C14orf132: variants seen among roughly 807,000 people sequenced by gnomAD.
C14orf132 encodes chromosome 14 open reading frame 132.
C14orf132 carries 6 observed loss-of-function variants against 5.8 expected under a neutral mutation model. The observed-to-expected ratio is 1.03, with a 90% confidence interval of 0.57 to 2.04. C14orf132 has a LOEUF of 2.04. C14orf132 is among the 30% of genes most tolerant of loss of function. C14orf132 has a pLI of 0.00. For synonymous variants in C14orf132, 51 were observed against 49.8 expected (o/e 1.02, Z -0.10); for missense variants, 125 against 115.8 (o/e 1.08, Z -0.37).
intron 1 of C14orf132, chr14:96,051,108 C>T (rs1595170399): frequency 2.3e-5 from 9 of 398,508 alleles, no homozygotes; most frequent in African/African-American, 4.1e-5. Context: ...GAGTAACATA[C>T]ATACATACTC....
intron 1 of C14orf132, among the ~76,000 whole-genome samples, chr14:96,072,152 C>T (rs747832778): frequency 2.4e-4 from 37 of 152,336 alleles, no homozygotes; most frequent in Non-Finnish European, 4.7e-4. Flanking sequence ...AGAATCCTTC[C>T]GAGCACTTCC....
At position 96,091,342 on chromosome 14, in the gene C14orf132, C is replaced by T. The variant is rs376229887; in HGVS notation, c.*4607C>T. 1.5e-4 allele frequency: 46 copies of T among 304,364 alleles called. No individual in the cohort carries two copies. The highest frequency in any genetic ancestry group is 9.1e-4 in the African/African-American group (42 of 46,020). The allele number at this position is 304,364 out of a possible 1,614,324, so 18.9% of individuals were successfully genotyped here. A position where few individuals can be genotyped will look rare whatever the true frequency, so the allele number is the denominator to read the frequency against. On this transcript the variant is annotated 3_prime_UTR_variant, in exon 2 of 2. Transcript: ENST00000555004. ...CACAGGGATTTATCAGTTCCAGAAC[C>T]TCACAGTGATAAGAGGCTTTAGAGA...
chr14:96,061,448 A>C (rs1887354563), intron 1 of C14orf132, among the ~76,000 whole-genome samples: 1 of 152,176 alleles, frequency 6.6e-6, no homozygotes, highest in Non-Finnish European at 1.5e-5. Flanking sequence ...TGTGTGTGAC[A>C]AACAGCAAAC....
chr14:96,046,238 A>T (rs1372387993), intron 1 of C14orf132, among the ~76,000 whole-genome samples: 1 of 152,118 alleles, frequency 6.6e-6, no homozygotes, highest in Non-Finnish European at 1.5e-5. Context: ...CCAGCTCTTG[A>T]TGTAGTGTGT....
At position 96,071,981 on chromosome 14, in the gene C14orf132, G is replaced by T. The variant is rs940015436; in HGVS notation, c.28-14530G>T. Among the ~76,000 whole-genome samples the T allele has an allele frequency of 2.0e-5, 3 of 152,306 alleles. No individual in the cohort carries two copies. In the East Asian group the frequency reaches 5.8e-4, roughly 29 times the overall value. On this transcript the variant is annotated intron_variant, in intron 1 of 1. Transcript: ENST00000555004. ...TCACAGAGAGGTGAAGGGAGACCTG[G>T]TGTGAAGGGAGAAGCTCTTTTTGGA...
intron 1 of C14orf132, among the ~76,000 whole-genome samples, chr14:96,086,069 G>A (rs1229238947): frequency 6.6e-6 from 1 of 152,152 alleles, no homozygotes; most frequent in African/African-American, 2.4e-5. Context: ...TGATTATGTG[G>A]TGGGATCATG....
At chr14:96,060,472 A>G (rs1306537298) in intron 1 of C14orf132, among the ~76,000 whole-genome samples, 2 of 151,890 alleles carry the variant, frequency 1.3e-5, no homozygotes, top group African/African-American at 2.4e-5. Context: ...AGTGCCGTGC[A>G]TGTTCATTGC....
In C14orf132 at chr14:96,074,548, GTT is replaced by G. The variant is rs11311729; in HGVS notation, c.28-11950_28-11949del. Among the ~76,000 whole-genome samples, 355 of 145,426 alleles carry G rather than the reference GTT, an allele frequency of 2.4e-3. 4 individuals carry two copies. The highest frequency in any genetic ancestry group is 6.6e-3 in the African/African-American group (261 of 39,744). On this transcript the variant is annotated intron_variant, in intron 1 of 1. Transcript: ENST00000555004. ...TTTGAGTTTTTTGTATAAGGCATGA[GTT>G]TTTTTTTTTTTTGCTGCAGCTGTTT...
chr14:96,049,653 T>TATACGTATATAG (rs371381526), intron 1 of C14orf132, among the ~76,000 whole-genome samples: 1 of 82,278 alleles, frequency 1.2e-5, no homozygotes, highest in Non-Finnish European at 2.5e-5. Flanking sequence ...TATATATATA[T>TATACGTATATAG]AGAGAGAGAG....
rs1044844721 is a variant in C14orf132, at chr14:96,059,217, C to T, written c.27+19690C>T. Reference sequence around the variant, plus strand: ...GAAGGATTGCTTGAGCCCAGGAGGTCGAAGCTGCAGGGAGCCATGATTGCA... The same window carrying T: ...GAAGGATTGCTTGAGCCCAGGAGGTTGAAGCTGCAGGGAGCCATGATTGCA... On this transcript the variant is annotated intron_variant, in intron 1 of 1. Coordinates refer to ENST00000555004, the MANE Select transcript of C14orf132 (RefSeq NM_001252507.3). Among the ~76,000 whole-genome samples, 9 of 152,068 alleles carry T rather than the reference C, an allele frequency of 5.9e-5. No homozygotes were observed. The East Asian group carries it at 7.7e-4, about 13-fold the overall frequency.
chr14:96,085,067 G>A (rs1888140072), intron 1 of C14orf132, among the ~76,000 whole-genome samples: 2 of 152,210 alleles, frequency 1.3e-5, no homozygotes, highest in Non-Finnish European at 1.5e-5. Context: ...TCAGACACTC[G>A]TGGCACTCAA....
At chr14:96,041,042 G>A (rs925001119) in intron 1 of C14orf132, among the ~76,000 whole-genome samples, 1 of 152,138 alleles carries the variant, frequency 6.6e-6, no homozygotes, top group Non-Finnish European at 1.5e-5. Flanking sequence ...GCTTTTTAAC[G>A]TCTTCAGGCA....
chr14:96,079,539 C>T (rs902330840), intron 1 of C14orf132, among the ~76,000 whole-genome samples: 4 of 151,902 alleles, frequency 2.6e-5, no homozygotes, highest in African/African-American at 9.7e-5. Context: ...ATGAGTAACC[C>T]TTGGTGTGCC....
intron 1 of C14orf132, among the ~76,000 whole-genome samples, chr14:96,048,591 C>T (rs546682942): frequency 1.1e-3 from 174 of 152,142 alleles, no homozygotes; most frequent in Middle Eastern, 3.4e-3. Flanking sequence ...GTGGCGTGAT[C>T]TCAGCTCATT....
chr14:96,070,874 G>C (rs1383149394), intron 1 of C14orf132, among the ~76,000 whole-genome samples: 1 of 152,006 alleles, frequency 6.6e-6, no homozygotes, highest in African/African-American at 2.4e-5. Context: ...AGGGTAGTAG[G>C]GTCTCTGAAA....
In C14orf132 at chr14:96,087,008, C is replaced by A; in HGVS notation, c.*273C>A. ...GATTGGGGATCCTTGAAACTACATT[C>A]CAGGAACATGGGACCAGATGAGACA... On this transcript the variant is annotated 3_prime_UTR_variant, in exon 2 of 2. Coordinates refer to ENST00000555004, the MANE Select transcript of C14orf132 (RefSeq NM_001252507.3). 3.9e-6 allele frequency: 2 copies of A among 512,402 alleles called. No individual in the cohort carries two copies. The highest frequency in any genetic ancestry group is 7.0e-6 in the Non-Finnish European group (2 of 286,396). The allele number at this position is 512,402 out of a possible 1,614,324, so 31.7% of individuals were successfully genotyped here.
intron 1 of C14orf132, among the ~76,000 whole-genome samples, chr14:96,051,966 G>A (rs982411957): frequency 7.9e-5 from 12 of 152,264 alleles, no homozygotes; most frequent in African/African-American, 1.4e-4. Context: ...GATAGCTGTC[G>A]TAGGTGAATC....
chr14:96,063,106 T>C (rs1438266553), intron 1 of C14orf132, among the ~76,000 whole-genome samples: 1 of 152,152 alleles, frequency 6.6e-6, no homozygotes, highest in Non-Finnish European at 1.5e-5. Flanking sequence ...TCGTCATATC[T>C]GTTTGATAGC....
intron 1 of C14orf132, among the ~76,000 whole-genome samples, chr14:96,041,429 C>T (rs1886691835): frequency 6.6e-6 from 1 of 152,178 alleles, no homozygotes; most frequent in Non-Finnish European, 1.5e-5. Context: ...GGTTTTCCAC[C>T]TTATTGCTTC....
Sources: allele counts gnomAD v4.1 joint callset (sites outside exome capture counted in the v4.1 genomes callset), GRCh38; gene constraint gnomAD v4.1.1; transcripts MANE v1.5; gene names NCBI Gene and HGNC (gene_info 2026-07-23, HGNC 2026-07-21).